ZFHX3: variants seen among roughly 807,000 people sequenced by gnomAD.
The protein encoded by ZFHX3 is zinc finger homeobox protein 3.
In ZFHX3, 42 loss-of-function variants were observed where a neutral mutation model predicts 279.1. That is an observed-to-expected ratio of 0.15 (90% CI 0.12 to 0.19). The LOEUF is 0.19. Among genes scored for constraint, ZFHX3 ranks in the 10% least tolerant of loss-of-function variants. ZFHX3 has a pLI of 1.00. For missense variants in ZFHX3, 4,981 were observed against 4,754.0 expected, an observed-to-expected ratio of 1.05 and a Z score of -1.40; for synonymous variants, 2,293 against 1,957.8, an observed-to-expected ratio of 1.17 and a Z score of -4.52.
intron 2 of ZFHX3, among the ~76,000 whole-genome samples, chr16:73,641,714 G>C (rs751713097): frequency 9.9e-5 from 15 of 152,108 alleles, no homozygotes; most frequent in Non-Finnish European, 1.8e-4. Flanking sequence ...ATAAATAGCA[G>C]AAGACATGGG....
At chr16:72,941,650 T>C (rs1479088889) in intron 3 of ZFHX3, among the ~76,000 whole-genome samples, 3 of 147,712 alleles carry the variant, frequency 2.0e-5, no homozygotes, top group Non-Finnish European at 4.4e-5. Flanking sequence ...GAGACCCTGT[T>C]TCTATTTTTT....
intron 3 of ZFHX3, among the ~76,000 whole-genome samples, chr16:72,908,464 G>T (rs1279903903): frequency 1.3e-5 from 2 of 152,190 alleles, no homozygotes; most frequent in Non-Finnish European, 2.9e-5. Context: ...GAAGATTCAG[G>T]ACGCCTCCCC....
At chr16:73,359,349 AG>A (rs1282411158) in intron 3 of ZFHX3, among the ~76,000 whole-genome samples, 1 of 152,170 alleles carries the variant, frequency 6.6e-6, no homozygotes, top group Non-Finnish European at 1.5e-5. Context: ...GGTGAATAAG[AG>A]GGCAAGAGGC....
rs1196562551 is a variant in ZFHX3, at chr16:73,386,234, C to G, written c.-1290-67898G>C. Among the ~76,000 whole-genome samples, 3 of 152,054 alleles carry G rather than the reference C, an allele frequency of 2.0e-5. No individual in the cohort carries two copies. The South Asian group carries it at 6.2e-4, about 31-fold the overall frequency. ...TCTCTCTTTCTCTCTCTGTTTAACTCTCTTACCAAAACAACTTTCAACTAG... is the reference window on the plus strand; with the variant it reads ...TCTCTCTTTCTCTCTCTGTTTAACTGTCTTACCAAAACAACTTTCAACTAG... On this transcript the variant is annotated intron_variant, in intron 3 of 17. Coordinates refer to the ZFHX3 transcript ENST00000641206.
intron 1 of ZFHX3, among the ~76,000 whole-genome samples, chr16:73,715,665 A>G (rs2053407579): frequency 1.4e-5 from 2 of 140,512 alleles, no homozygotes; most frequent in South Asian, 4.5e-4. Context: ...CTCTGCCTCC[A>G]GGGTTCAAGC....
intron 3 of ZFHX3, among the ~76,000 whole-genome samples, chr16:73,405,237 G>C (rs1006983118): frequency 6.6e-6 from 1 of 152,184 alleles, no homozygotes. Context: ...GGCAAATGGG[G>C]CTTTCCTGAA....
intron 3 of ZFHX3, among the ~76,000 whole-genome samples, chr16:73,385,345 C>G (rs965851110): frequency 2.0e-5 from 3 of 152,150 alleles, no homozygotes; most frequent in Non-Finnish European, 4.4e-5. Context: ...GGGCCATGAA[C>G]ACTCCTGCAT....
intron 2 of ZFHX3, among the ~76,000 whole-genome samples, chr16:73,518,127 G>T (rs1259526269): frequency 6.6e-6 from 1 of 152,064 alleles, no homozygotes; most frequent in Non-Finnish European, 1.5e-5. Context: ...CACATTTCAG[G>T]TGCTCGTTAG....
chr16:73,018,723 G>T (rs578046037), intron 1 of ZFHX3, among the ~76,000 whole-genome samples: 3 of 152,334 alleles, frequency 2.0e-5, no homozygotes, highest in African/African-American at 7.2e-5. Flanking sequence ...CTGAGAATCT[G>T]AACTGTCTCC....
chr16:73,475,638 G>C (rs2018753313), intron 2 of ZFHX3, among the ~76,000 whole-genome samples: 1 of 151,974 alleles, frequency 6.6e-6, no homozygotes, highest in Non-Finnish European at 1.5e-5. Flanking sequence ...ATTTGAAACT[G>C]TTAACTTCCT....
chr16:73,753,961 G>A (rs1597095905), intron 1 of ZFHX3, among the ~76,000 whole-genome samples: 1 of 115,594 alleles, frequency 8.7e-6, no homozygotes, highest in African/African-American at 3.6e-5. Context: ...GCTGCAAATA[G>A]TAATGAGAAA....
At chr16:73,599,850 G>T (rs1184408149) in intron 2 of ZFHX3, among the ~76,000 whole-genome samples, 1 of 152,032 alleles carries the variant, frequency 6.6e-6, no homozygotes, top group Admixed American at 6.6e-5. Flanking sequence ...TTGGAGAACA[G>T]AATTCTTACT....
chr16:73,862,269 A>AG (rs1961900745), intron 1 of ZFHX3, among the ~76,000 whole-genome samples: 1 of 152,196 alleles, frequency 6.6e-6, no homozygotes, highest in African/African-American at 2.4e-5. Flanking sequence ...CACTGATTAT[A>AG]GGAGCTACCA....
intron 5 of ZFHX3, among the ~76,000 whole-genome samples, chr16:73,171,494 G>A (rs895302456): frequency 6.0e-5 from 8 of 134,274 alleles, no homozygotes; most frequent in African/African-American, 1.6e-4. Context: ...AGAAAATGGC[G>A]GGGGGGGCGG....
intron 1 of ZFHX3, among the ~76,000 whole-genome samples, chr16:73,753,623 A>G (rs1361886341): frequency 6.6e-6 from 1 of 152,170 alleles, no homozygotes; most frequent in Non-Finnish European, 1.5e-5. Context: ...TAGCAGTACC[A>G]TTCAATGAAA....
intron 2 of ZFHX3, among the ~76,000 whole-genome samples, chr16:73,579,360 CTG>C (rs2051833449): frequency 6.6e-6 from 1 of 152,210 alleles, no homozygotes; most frequent in Non-Finnish European, 1.5e-5. Flanking sequence ...CCTCCTGAGG[CTG>C]TGTCATGGGT....
chr16:73,458,711 C>T (rs527904647), intron 2 of ZFHX3, among the ~76,000 whole-genome samples: 1 of 152,072 alleles, frequency 6.6e-6, no homozygotes, highest in Admixed American at 6.5e-5. Context: ...TCACCCCCAA[C>T]CTTTATCGCA....
chr16:73,743,864 C>T (rs2053680608), intron 1 of ZFHX3, among the ~76,000 whole-genome samples: 1 of 152,090 alleles, frequency 6.6e-6, no homozygotes, highest in East Asian at 1.9e-4. Context: ...CTAGGGGGCG[C>T]CATGCATCTA....
chr16:72,829,281 G>C (rs1246494805), intron 5 of ZFHX3, among the ~76,000 whole-genome samples: 1 of 151,066 alleles, frequency 6.6e-6, no homozygotes, highest in African/African-American at 2.4e-5. Context: ...CCAAAGTATT[G>C]AGATTACATG....
Sources: allele counts gnomAD v4.1 joint callset (sites outside exome capture counted in the v4.1 genomes callset), GRCh38; gene constraint gnomAD v4.1.1; transcripts MANE v1.5; gene names NCBI Gene and HGNC (gene_info 2026-07-23, HGNC 2026-07-21).